TBC1D13: variants seen among roughly 807,000 people sequenced by gnomAD.
TBC1D13 encodes the protein TBC1 domain family member 13.
A neutral mutation model predicts 53.6 loss-of-function variants in TBC1D13; 40 were observed. The observed-to-expected ratio is 0.75, with a 90% confidence interval of 0.58 to 0.97. TBC1D13 has a LOEUF of 0.97. Ranked by LOEUF, TBC1D13 falls within the 50% of genes least tolerant of loss-of-function variation. TBC1D13 has a pLI of 0.00. For synonymous variants in TBC1D13, 182 were observed against 197.7 expected (o/e 0.92, Z 0.67); for missense variants, 377 against 499.4 (o/e 0.75, Z 2.34).
At chr9:128,797,310 A>T in intron 7 of TBC1D13, 96 bp downstream of exon 7, 1 of 1,336,018 alleles carries the variant, frequency 7.5e-7, no homozygotes, top group South Asian at 1.3e-5. Context: ...GGCCATGACC[A>T]TCTGCTTGAC....
chr9:128,797,551 C>A (rs375811916), intron 7 of TBC1D13, among the ~76,000 whole-genome samples: 1 of 152,150 alleles, frequency 6.6e-6, no homozygotes, highest in East Asian at 1.9e-4. Flanking sequence ...GCCTGTAATC[C>A]CAGCGCTTTG....
intron 6 of TBC1D13, among the ~76,000 whole-genome samples, chr9:128,795,466 TTTTTTTTTTTTTGG>T (rs1223536812): frequency 7.7e-4 from 55 of 70,994 alleles, no homozygotes; most frequent in East Asian, 2.0e-3. Flanking sequence ...TTTTTTTTTT[TTTTTTTTTTTTTGG>T]GAAGGAGTCT....
At chr9:128,800,944 C>T (rs1439495523) in intron 7 of TBC1D13, among the ~76,000 whole-genome samples, 4 of 151,836 alleles carry the variant, frequency 2.6e-5, no homozygotes, top group African/African-American at 7.3e-5. Context: ...GGTGGATCAC[C>T]TGAAGTCAGG....
In TBC1D13 at chr9:128,805,842, C is replaced by G; in HGVS notation, c.919-17C>G. 6.2e-7 allele frequency: 1 copy of G among 1,611,210 alleles called. No homozygotes were observed. Among genetic ancestry groups the G allele is most frequent in the Non-Finnish European group, 8.5e-7 (1 of 1,179,128 alleles). On this transcript the variant is annotated splice_polypyrimidine_tract_variant and intron_variant, in intron 9 of 11. Coordinates refer to ENST00000372648, the MANE Select transcript of TBC1D13 (RefSeq NM_018201.5). The stretch of plus-strand genomic sequence containing the variant: ...AACACAGAGTCATGCCCCCCACCCC[C>G]CACGCTGTCTCCCCAGCAAGAGCAG...
chr9:128,790,825 T>C, intron 3 of TBC1D13, 50 bp downstream of exon 3: 1 of 1,539,524 alleles, frequency 6.5e-7, no homozygotes, highest in Non-Finnish European at 8.7e-7. Flanking sequence ...TCCCTGGGTT[T>C]TCCTGCATGG....
In TBC1D13 at chr9:128,808,403, T is replaced by C; in HGVS notation, c.*524T>C. 7.0e-6 allele frequency: 1 copy of C among 143,106 alleles called. No individual in the cohort carries two copies. Among genetic ancestry groups the C allele is most frequent in the Non-Finnish European group, 1.3e-5 (1 of 75,562 alleles). 8.9% of individuals were successfully genotyped at this position (143,106 alleles called of 1,614,324 possible). ...ATGTGGGCCCAAGTCCCCAGGCATC[T>C]TCTCCGTGTGTGTGTGTGTGTGTGT... On this transcript the variant is annotated 3_prime_UTR_variant, in exon 12 of 12. Transcript: ENST00000372648.
intron 11 of TBC1D13, 92 bp from the exon 12 acceptor site, chr9:128,807,722 C>G (rs1037241778): frequency 2.9e-6 from 4 of 1,362,210 alleles, no homozygotes; most frequent in African/African-American, 1.4e-5. Context: ...GGCCCAGGAT[C>G]CAGCATGGCA....
At chr9:128,806,092 C>T in intron 10 of TBC1D13, 73 bp downstream of exon 10, 3 of 1,585,188 alleles carry the variant, frequency 1.9e-6, no homozygotes, top group Non-Finnish European at 1.7e-6. Flanking sequence ...GGACCCTCCG[C>T]CCCGAAGGGT....
At chr9:128,807,027 A>G (rs577095007) in intron 11 of TBC1D13, among the ~76,000 whole-genome samples, 1 of 151,828 alleles carries the variant, frequency 6.6e-6, no homozygotes, top group South Asian at 2.1e-4. Flanking sequence ...ACCCAAGCCA[A>G]GTTACAGCAT....
chr9:128,808,036 C>T lies in TBC1D13; in HGVS notation c.*157C>T. 2 of 678,070 alleles carry T rather than the reference C, an allele frequency of 2.9e-6. No individual in the cohort carries two copies. The highest frequency in any genetic ancestry group is 5.2e-6 in the Non-Finnish European group (2 of 384,660). 42.0% of individuals were successfully genotyped at this position (678,070 alleles called of 1,614,324 possible). On this transcript the variant is annotated 3_prime_UTR_variant, in exon 12 of 12. Transcript: ENST00000372648. ...CCCACTGGGGACACACTGTGCCGTG[C>T]TCCTTCTGCCGCCACGCCCAGCTCC...
chr9:128,796,808 C>T (rs28374569), intron 6 of TBC1D13, among the ~76,000 whole-genome samples: 7,097 of 151,818 alleles, frequency 0.047, 571 homozygotes, highest in African/African-American at 0.16. Flanking sequence ...TGGTGGTGGG[C>T]GCCTGTAGTC....
chr9:128,790,612 G>T, intron 2 of TBC1D13, 123 bp from the exon 3 acceptor site: 6 of 856,998 alleles, frequency 7.0e-6, no homozygotes, highest in Non-Finnish European at 1.1e-5. Flanking sequence ...TCTTTCTTGG[G>T]GAAATGATTC....
At chr9:128,792,331 G>A (rs564651918) in intron 5 of TBC1D13, among the ~76,000 whole-genome samples, 161 bp from the exon 6 acceptor site, 28 of 152,316 alleles carry the variant, frequency 1.8e-4, no homozygotes, top group African/African-American at 6.5e-4. Flanking sequence ...TGAGGGAAGG[G>A]CTGTGTTGGC....
intron 2 of TBC1D13, among the ~76,000 whole-genome samples, chr9:128,789,339 ACTT>A (rs1481720933): frequency 1.3e-5 from 2 of 150,888 alleles, no homozygotes; most frequent in African/African-American, 4.9e-5. Flanking sequence ...AAAAAAAAGA[ACTT>A]CTTATATTGT....
In TBC1D13 at chr9:128,803,115, G is replaced by A. The variant is rs149383512; in HGVS notation, c.544-135G>A. The A allele has an allele frequency of 1.8e-4, 129 of 729,026 alleles. No homozygotes were observed. The East Asian group carries it at 1.9e-3, about 11-fold the overall frequency. The allele number at this position is 729,026 out of a possible 1,614,324, so 45.2% of individuals were successfully genotyped here. A position where few individuals can be genotyped will look rare whatever the true frequency, so the allele number is the denominator to read the frequency against. ...ATCACCCAGGCTGGAATGCAATGGT[G>A]TAATCACGGCTCACTGCAGCCTCGA... On this transcript the variant is annotated intron_variant, in intron 7 of 11. Transcript: ENST00000372648.
At position 128,809,321 on chromosome 9, in the gene TBC1D13, A is replaced by AAGGAGGG. The variant is rs1829905772; in HGVS notation, c.*1445_*1446insAGGGAGG. 1 of 152,240 alleles carries AAGGAGGG rather than the reference A, an allele frequency of 6.6e-6. No individual in the cohort carries two copies. Among genetic ancestry groups the AAGGAGGG allele is most frequent in the Non-Finnish European group, 1.5e-5 (1 of 68,162 alleles). 9.4% of individuals were successfully genotyped at this position (152,240 alleles called of 1,614,324 possible). A position where few individuals can be genotyped will look rare whatever the true frequency, so the allele number is the denominator to read the frequency against. Reference sequence around the variant, plus strand: ...CACCAAGTCACCTCCCTCCTTGTACAAGGTTTGCGTCCGGAAGCCGGGTGC... The same window carrying AAGGAGGG: ...CACCAAGTCACCTCCCTCCTTGTACAAGGAGGGAGGTTTGCGTCCGGAAGCCGGGTGC... On this transcript the variant is annotated 3_prime_UTR_variant, in exon 12 of 12. Coordinates refer to ENST00000372648, the MANE Select transcript of TBC1D13 (RefSeq NM_018201.5).
intron 3 of TBC1D13, 24 bp downstream of exon 3, chr9:128,790,799 TCTG>T: frequency 6.4e-7 from 1 of 1,559,676 alleles, no homozygotes; most frequent in Non-Finnish European, 8.6e-7. Flanking sequence ...GGGTGGGGCT[TCTG>T]CTCTGCTGAG....
At chr9:128,790,883 C>A in intron 3 of TBC1D13, 108 bp downstream of exon 3, 2 of 1,208,000 alleles carry the variant, frequency 1.7e-6, no homozygotes, top group Admixed American at 2.8e-5. Flanking sequence ...CCTTTCCTTG[C>A]TTGTCTGAGG....
At chr9:128,798,379 T>G (rs1307558058) in intron 7 of TBC1D13, among the ~76,000 whole-genome samples, 2 of 150,962 alleles carry the variant, frequency 1.3e-5, no homozygotes, top group Admixed American at 6.6e-5. Flanking sequence ...AGAGAGCGAG[T>G]GAAGAGGTTG....
Sources: allele counts gnomAD v4.1 joint callset (sites outside exome capture counted in the v4.1 genomes callset), GRCh38; gene constraint gnomAD v4.1.1; transcripts MANE v1.5; gene names NCBI Gene and HGNC (gene_info 2026-07-23, HGNC 2026-07-21).